RYR1: variants seen among roughly 807,000 people sequenced by gnomAD.
The protein encoded by RYR1 is ryanodine receptor 1.
RYR1 carries 342 observed loss-of-function variants against 583.5 expected under a neutral mutation model. The ratio of observed to expected loss-of-function variants is 0.59; its 90% CI spans 0.54 to 0.64. The LOEUF (loss-of-function observed/expected upper bound fraction) is 0.64. Among genes scored for constraint, RYR1 ranks in the 30% least tolerant of loss-of-function variants. The probability of loss-of-function intolerance (pLI) is 0.00; values close to 1 mark genes in which losing one functional copy is unlikely to be tolerated. For synonymous variants in RYR1, 2,791 were observed against 2,822.5 expected, an observed-to-expected ratio of 0.99 and a Z score of 0.35; for missense variants, 6,032 against 6,917.2, an observed-to-expected ratio of 0.87 and a Z score of 4.54.
rs1018044198 is a variant in RYR1 at position 38,512,631 on chromosome 19, A to G, written c.9472+148A>G. 9.3e-5 allele frequency: 71 copies of G among 766,972 alleles called. 1 individual carries two copies. The East Asian group carries it at 1.8e-3, about 19-fold the overall frequency. 47.5% of individuals were successfully genotyped at this position (766,972 alleles called of 1,614,324 possible). On this transcript the variant is annotated intron_variant, in intron 63 of 105. Coordinates refer to ENST00000359596, the MANE Select transcript of RYR1 (RefSeq NM_000540.3). The surrounding 1 kb of genome is among the most constrained non-coding windows in gnomAD (Gnocchi z 5.1). ...GCAGTCAGTACCTTGGCAGGTGGCA[A>G]ATGAGTTAATGAGGACGCGAGCTCA...
intron 20 of RYR1, among the ~76,000 whole-genome samples, chr19:38,462,570 A>T (rs73930588): frequency 0.17 from 25,756 of 152,016 alleles, 2,507 homozygotes; most frequent in East Asian, 0.37. Flanking sequence ...GAACGCCAAC[A>T]CCGCTACTGT....
Position 38,545,768 on chromosome 19 carries a change from G to A in RYR1, c.12013-677G>A, listed in dbSNP as rs547338172. On this transcript the variant is annotated intron_variant, in intron 87 of 105. Transcript: ENST00000359596. ...AGAAGTTGCAGTGAGCCGAGATTGC[G>A]CCATTACATTCCGGCCTGGGCAACA... 5.3e-5 allele frequency among the ~76,000 whole-genome samples: 8 copies of A among 152,250 alleles called. No individual in the cohort carries two copies. The East Asian group carries it at 5.8e-4, about 11-fold the overall frequency.
Position 38,478,516 on chromosome 19 carries a change from C to A in RYR1, c.4536C>A (p.Asp1512Glu), listed in dbSNP as rs1212671959. 3.1e-6 allele frequency: 5 copies of A among 1,614,154 alleles called. No homozygotes were observed. The highest frequency in any genetic ancestry group is 3.4e-6 in the Non-Finnish European group (4 of 1,180,036). ...PGQQGRISHT[D>E]LVIGCLVDLA... ...AGCAGGGCCGGATCAGCCACACGGACCTTGTCATTGGGTGCCTGGTGGACT... is the reference window on the plus strand; with the variant it reads ...AGCAGGGCCGGATCAGCCACACGGAACTTGTCATTGGGTGCCTGGTGGACT... The change falls in exon 31 of 106, where the codon GAC becomes GAA. Residue 1512 changes from aspartate (D) to glutamate (E), a missense_variant. Asp to Glu is a conservative substitution (Grantham distance 45, BLOSUM62 2). Around this residue, in one of 11 missense-constraint regions of RYR1, gnomAD observed 2,627 missense variants for 2,961.3 expected, o/e 0.89. Coordinates refer to ENST00000359596, the MANE Select transcript of RYR1 (RefSeq NM_000540.3).
In RYR1 at chr19:38,466,324, G is replaced by A. The variant is rs776414978; in HGVS notation, c.3104G>A (p.Arg1035Gln). 2.3e-5 allele frequency: 37 copies of A among 1,606,240 alleles called. No individual in the cohort carries two copies. In the Admixed American group the frequency reaches 2.4e-4, roughly 10 times the overall value. The change falls in exon 24 of 106, where the codon CGG becomes CAG. Residue 1035 changes from arginine (R) to glutamine (Q), a missense_variant. By Grantham distance (43) the Arg-to-Gln change is conservative (BLOSUM62 1). Around this residue, in one of 11 missense-constraint regions of RYR1, gnomAD observed 2,627 missense variants for 2,961.3 expected, o/e 0.89. Transcript: ENST00000359596. The part of the protein sequence containing the change: ...LLDEATKRSN[R>Q]DSLCQAVRTL... The stretch of plus-strand genomic sequence containing the variant: ...GATGAAGCCACCAAGCGCAGCAACC[G>A]GGACAGCCTCTGCCAGGCCGTGCGC...
In RYR1 at chr19:38,565,660, T is replaced by TGGGGGCCCCTTCCGGCCCGAA. The variant is rs1358102336; in HGVS notation, c.13331_13351dup (p.Gly4444_Gly4450dup). ...CCGACGGGGCGGTGGCCGTGACCGA[T>TGGGGGCCCCTTCCGGCCCGAA]GGGGGCCCCTTCCGGCCCGAAGGGG... is the stretch of plus-strand genomic sequence containing the variant. On this transcript the variant is annotated inframe_insertion, in exon 91 of 106. Coordinates refer to ENST00000359596, the MANE Select transcript of RYR1 (RefSeq NM_000540.3). The surrounding 1 kb of genome is among the most constrained non-coding windows in gnomAD (Gnocchi z 4.7). 2.8e-4 allele frequency: 383 copies of TGGGGGCCCCTTCCGGCCCGAA among 1,385,314 alleles called. No individual in the cohort carries two copies. The highest frequency in any genetic ancestry group is 3.3e-4 in the Non-Finnish European group (352 of 1,080,428). The allele number at this position is 1,385,314 out of a possible 1,614,324, so 85.8% of individuals were successfully genotyped here. A position where few individuals can be genotyped will look rare whatever the true frequency, so the allele number is the denominator to read the frequency against.
chr19:38,452,712 T>C (rs1286304907), intron 12 of RYR1, 107 bp from the exon 13 acceptor site: 3 of 1,009,082 alleles, frequency 3.0e-6, no homozygotes, highest in Non-Finnish European at 4.3e-6. Context: ...TCTCCCTCTC[T>C]GTAAAACGGG....
chr19:38,496,575 G>C lies in RYR1; in HGVS notation c.6796+34G>C. ...CCCCGAGCCCAGGGGCTGTCCCCCA[G>C]AACCCACTCCTGGCACCCCGTCCAG... On this transcript the variant is annotated intron_variant, in intron 41 of 105. Coordinates refer to ENST00000359596, the MANE Select transcript of RYR1 (RefSeq NM_000540.3). This position sits in a 1 kb window ranked among gnomAD's most constrained non-coding sequence, Gnocchi z 4.8. The C allele has an allele frequency of 1.2e-6, 2 of 1,612,522 alleles. No homozygotes were observed. The highest frequency in any genetic ancestry group is 1.7e-6 in the Non-Finnish European group (2 of 1,179,902).
In RYR1 at chr19:38,534,871, A is replaced by C. The variant is rs1163859126; in HGVS notation, c.11359+52A>C. On this transcript the variant is annotated intron_variant, in intron 79 of 105. Coordinates refer to ENST00000359596, the MANE Select transcript of RYR1 (RefSeq NM_000540.3). ...TTCCGAGTGCACTCATCCTAACCTC[A>C]CTCCTCCTGGCTCGCCCATTCCCTG... is the stretch of plus-strand genomic sequence containing the variant. The C allele has an allele frequency of 2.6e-6, 4 of 1,553,268 alleles. No homozygotes were observed. The East Asian group carries it at 7.0e-5, about 27-fold the overall frequency.
chr19:38,502,307 C>A (rs1047889032), intron 47 of RYR1, among the ~76,000 whole-genome samples, 200 bp from the exon 48 acceptor site: 5 of 148,802 alleles, frequency 3.4e-5, no homozygotes, highest in Admixed American at 6.7e-5. Context: ...TTGCATAATC[C>A]AAAGTAGTAA....
intron 14 of RYR1, 36 bp downstream of exon 14, chr19:38,455,406 C>T (rs776638170): frequency 6.2e-7 from 1 of 1,614,022 alleles, no homozygotes; most frequent in South Asian, 1.1e-5. Flanking sequence ...TGAGAACACC[C>T]CAGATCCCCA....
chr19:38,565,080 A>G lies in RYR1; in HGVS notation c.12746A>G (p.Gln4249Arg), dbSNP rs748087174. The stretch of plus-strand genomic sequence containing the variant: ...ATCTTCGAGATGCAGATCGCCGCGC[A>G]GATCTCGGAGCCCGAGGGCGAGCCG... ...DTIFEMQIAA[Q>R]ISEPEGEPET... Residue 4249 changes from glutamine to arginine, a missense_variant, in exon 91 of 106, where the codon CAG (glutamine) becomes CGG (arginine). Around this residue, in one of 11 missense-constraint regions of RYR1, gnomAD observed 753 missense variants for 759.6 expected, o/e 0.99. Coordinates refer to ENST00000359596, the MANE Select transcript of RYR1 (RefSeq NM_000540.3). The surrounding 1 kb of genome is among the most constrained non-coding windows in gnomAD (Gnocchi z 4.7). The G allele has an allele frequency of 6.4e-7, 1 of 1,556,844 alleles. No individual in the cohort carries two copies. Among genetic ancestry groups the G allele is most frequent in the Non-Finnish European group, 8.7e-7 (1 of 1,152,800 alleles).
intron 89 of RYR1, among the ~76,000 whole-genome samples, chr19:38,557,319 CAGAG>C (rs946704845): frequency 2.6e-5 from 4 of 152,196 alleles, no homozygotes; most frequent in African/African-American, 9.6e-5. Flanking sequence ...GTGAACAAAA[CAGAG>C]AGCCCACTGT....
In RYR1 at chr19:38,494,579, G is replaced by C. The variant is rs118192176; in HGVS notation, c.6502G>C (p.Val2168Leu). The C allele has an allele frequency of 6.8e-6, 11 of 1,614,130 alleles. No individual in the cohort carries two copies. The highest frequency in any genetic ancestry group is 8.5e-6 in the Non-Finnish European group (10 of 1,180,042). ...CLGQIRSLLIVQMGPQEENLM... is the reference protein window; with the variant it reads ...CLGQIRSLLILQMGPQEENLM... Reference sequence around the variant, plus strand: ...CGGCCAGATCCGCTCGCTGCTCATCGTGCAGATGGGCCCCCAGGAGGAGAA... The same window carrying C: ...CGGCCAGATCCGCTCGCTGCTCATCCTGCAGATGGGCCCCCAGGAGGAGAA... Residue 2168 changes from valine to leucine, a missense_variant, in exon 39 of 106, where the codon GTG (valine) becomes CTG (leucine). By Grantham distance (32) the Val-to-Leu change is conservative. Coordinates refer to ENST00000359596, the MANE Select transcript of RYR1 (RefSeq NM_000540.3).
At chr19:38,518,367 C>T (rs963837156) in intron 66 of RYR1, among the ~76,000 whole-genome samples, 15 of 146,764 alleles carry the variant, frequency 1.0e-4, no homozygotes, top group African/African-American at 3.3e-4. Context: ...CAAGACTAGC[C>T]TGGGCAACAT....
rs527618694 is a variant in RYR1 at position 38,514,694 on chromosome 19, C to T, written c.9473-332C>T. On this transcript the variant is annotated intron_variant, in intron 63 of 105. Transcript: ENST00000359596. Reference sequence around the variant, plus strand: ...ACCCCTCACTTTCATTATAGAGGGCCATGAGTCCTCTCCACGGAAGAAACA... The same window carrying T: ...ACCCCTCACTTTCATTATAGAGGGCTATGAGTCCTCTCCACGGAAGAAACA... 2.6e-5 allele frequency among the ~76,000 whole-genome samples: 4 copies of T among 152,220 alleles called. No individual in the cohort carries two copies. The East Asian group carries it at 7.7e-4, about 29-fold the overall frequency.
At position 38,543,910 on chromosome 19, in the gene RYR1, C is replaced by A; in HGVS notation, c.12012+35C>A. The A allele has an allele frequency of 6.3e-7, 1 of 1,591,636 alleles. No individual in the cohort carries two copies. The highest frequency in any genetic ancestry group is 2.3e-5 in the East Asian group (1 of 44,334). ...CCTCTGGTCTCCATCCACCTGCTTC[C>A]GGGCGTCCCCCAAGTGGTCCATTTC... On this transcript the variant is annotated intron_variant, in intron 87 of 105. Transcript: ENST00000359596. This position sits in a 1 kb window ranked among gnomAD's most constrained non-coding sequence, Gnocchi z 4.4.
chr19:38,467,631 G>T lies in RYR1; in HGVS notation c.3200G>T (p.Arg1067Leu). ...QEPSQVENQS[R>L]CDRVRIFRAE... The stretch of plus-strand genomic sequence containing the variant: ...ATAGGTCAGGTGGAGAACCAGTCTC[G>T]TTGTGACCGGGTGCGCATCTTCCGG... Residue 1067 changes from arginine (R) to leucine (L), a missense_variant, in exon 25 of 106, where the codon CGT (arginine) becomes CTT (leucine). This residue lies in a region of RYR1 where 2,627 missense variants were observed against 2,961.3 expected (regional missense o/e 0.89). Transcript: ENST00000359596. 1 of 1,614,158 alleles carries T rather than the reference G, an allele frequency of 6.2e-7. No individual in the cohort carries two copies. Among genetic ancestry groups the T allele is most frequent in the Non-Finnish European group, 8.5e-7 (1 of 1,180,010 alleles).
intron 25 of RYR1, 42 bp downstream of exon 25, chr19:38,467,854 C>T (rs1299708471): frequency 6.3e-7 from 1 of 1,592,736 alleles, no homozygotes; most frequent in African/African-American, 1.3e-5. Flanking sequence ...GTCCTGTGGT[C>T]TCTCCCACAG....
intron 7 of RYR1, among the ~76,000 whole-genome samples, chr19:38,445,293 T>C: frequency 7.3e-6 from 1 of 137,128 alleles, no homozygotes; most frequent in African/African-American, 2.7e-5. Context: ...TCTCAGCCCC[T>C]CAAACCCAGA....
Sources: allele counts gnomAD v4.1 joint callset (sites outside exome capture counted in the v4.1 genomes callset), GRCh38; gene constraint gnomAD v4.1.1; regional missense constraint gnomAD v4.1.1; non-coding constraint Gnocchi (gnomAD v3.1); transcripts MANE v1.5; gene names NCBI Gene and HGNC (gene_info 2026-07-23, HGNC 2026-07-21).